Variants in ZFHX3 observed in about 807,000 individuals in gnomAD.
The protein encoded by ZFHX3 is zinc finger homeobox 3.
A neutral mutation model predicts 279.1 loss-of-function variants in ZFHX3; 42 were observed. The ratio of observed to expected loss-of-function variants is 0.15; its 90% CI spans 0.12 to 0.19. ZFHX3 has a LOEUF of 0.19. Among genes scored for constraint, ZFHX3 ranks in the 10% least tolerant of loss-of-function variants. The pLI is 1.00. For missense variants in ZFHX3, 4,981 were observed against 4,754.0 expected, an observed-to-expected ratio of 1.05 and a Z score of -1.40; for synonymous variants, 2,293 against 1,957.8, an observed-to-expected ratio of 1.17 and a Z score of -4.52.
intron 5 of ZFHX3, among the ~76,000 whole-genome samples, chr16:73,181,852 C>G (rs751694393): frequency 1.8e-4 from 27 of 152,136 alleles, no homozygotes; most frequent in Non-Finnish European, 3.2e-4. Flanking sequence ...CTGAAAGCAG[C>G]TGATGTTCTA....
At chr16:73,057,716 C>T (rs893075606) in intron 1 of ZFHX3, among the ~76,000 whole-genome samples, 6 of 151,594 alleles carry the variant, frequency 4.0e-5, no homozygotes, top group African/African-American at 1.4e-4. Flanking sequence ...TCTGGGCGCT[C>T]GCGGCGCTGC....
intron 5 of ZFHX3, among the ~76,000 whole-genome samples, chr16:73,228,600 C>T (rs180941375): frequency 1.3e-5 from 2 of 152,280 alleles, no homozygotes; most frequent in East Asian, 1.9e-4. Flanking sequence ...GAGGTCAAGG[C>T]TGCAGTTGGT....
At chr16:73,095,406 G>A (rs554067090) in intron 7 of ZFHX3, among the ~76,000 whole-genome samples, 1 of 152,208 alleles carries the variant, frequency 6.6e-6, no homozygotes, top group African/African-American at 2.4e-5. Flanking sequence ...GGCTAATTAA[G>A]CAGACTGAGC....
chr16:72,947,183 T>G (rs1180540721), intron 3 of ZFHX3, among the ~76,000 whole-genome samples: 1 of 152,184 alleles, frequency 6.6e-6, no homozygotes, highest in Non-Finnish European at 1.5e-5. Flanking sequence ...TAAGGGGGCT[T>G]CCCCCGGATG....
intron 5 of ZFHX3, among the ~76,000 whole-genome samples, chr16:73,242,010 T>A (rs1308716507): frequency 2.0e-5 from 3 of 152,096 alleles, no homozygotes; most frequent in African/African-American, 7.2e-5. Flanking sequence ...TTAAATGAGA[T>A]AACAATGTCA....
At chr16:72,970,807 G>A (rs1265466814) in intron 1 of ZFHX3, among the ~76,000 whole-genome samples, 2 of 152,134 alleles carry the variant, frequency 1.3e-5, no homozygotes, top group Admixed American at 6.5e-5. Context: ...TTGCTATTGG[G>A]ATTATAGGGC....
At chr16:73,292,066 T>C (rs1300469800) in intron 4 of ZFHX3, among the ~76,000 whole-genome samples, 2 of 152,218 alleles carry the variant, frequency 1.3e-5, no homozygotes, top group Admixed American at 6.5e-5. Flanking sequence ...TGTAAGACCA[T>C]GTTCAAGTTC....
At chr16:73,665,006 C>G (rs776704589) in intron 2 of ZFHX3, among the ~76,000 whole-genome samples, 9 of 152,128 alleles carry the variant, frequency 5.9e-5, no homozygotes, top group Non-Finnish European at 1.3e-4. Flanking sequence ...ATTTATTTAA[C>G]AAATATTGTG....
intron 1 of ZFHX3, among the ~76,000 whole-genome samples, chr16:72,972,943 G>C (rs919118359): frequency 5.3e-5 from 8 of 152,126 alleles, no homozygotes; most frequent in Non-Finnish European, 1.2e-4. Flanking sequence ...CTGTTCTCCT[G>C]TAGGTATTTA....
chr16:73,501,260 T>C (rs1285130211), intron 2 of ZFHX3, among the ~76,000 whole-genome samples: 1 of 152,238 alleles, frequency 6.6e-6, no homozygotes, highest in African/African-American at 2.4e-5. Flanking sequence ...CTCTACGATC[T>C]TCACACAATG....
intron 4 of ZFHX3, among the ~76,000 whole-genome samples, chr16:73,304,340 C>T (rs1194257379): frequency 6.6e-6 from 1 of 152,144 alleles, no homozygotes; most frequent in Admixed American, 6.6e-5. Context: ...ATAGTGAGGT[C>T]AAACTGGCTG....
chr16:73,576,178 T>C (rs777513882), intron 2 of ZFHX3, among the ~76,000 whole-genome samples: 1 of 152,162 alleles, frequency 6.6e-6, no homozygotes, highest in Non-Finnish European at 1.5e-5. Flanking sequence ...ACAATCCCCA[T>C]TTAAGCAGTG....
chr16:73,726,381 G>A (rs754260993), intron 1 of ZFHX3, among the ~76,000 whole-genome samples: 9 of 152,212 alleles, frequency 5.9e-5, no homozygotes, highest in Non-Finnish European at 8.8e-5. Context: ...GGATGGACTA[G>A]AAGGAGGTTT....
chr16:73,693,082 A>G (rs920283849), intron 1 of ZFHX3, among the ~76,000 whole-genome samples: 5 of 152,198 alleles, frequency 3.3e-5, no homozygotes, highest in Admixed American at 2.6e-4. Context: ...CAGGTCTCTA[A>G]AAGTAAAGTT....
rs16971436 is a variant in ZFHX3, at chr16:72,958,864, T to C, written c.1282A>G (p.Thr428Ala). The C allele has an allele frequency of 9.3e-6, 15 of 1,613,358 alleles. No individual in the cohort carries two copies. In the African/African-American group the frequency reaches 9.3e-5, roughly 10 times the overall value. Reference sequence around the variant, plus strand: ...GAGTCCTTGCCCTCTGAGGATTTGGTAGGACTGGAAGCCAGAGGCCCCAGG... The same window carrying C: ...GAGTCCTTGCCCTCTGAGGATTTGGCAGGACTGGAAGCCAGAGGCCCCAGG... ...VPLGPLASSP[T>A]KSSEGKDSGA... is the part of the protein sequence containing the mutation. Residue 428 changes from threonine (T) to alanine (A), a missense_variant, in exon 2 of 10, where the codon ACC becomes GCC. Physicochemically the swap from Thr to Ala is moderately conservative, Grantham distance 58 (BLOSUM62 0). Around this residue, in one of 7 missense-constraint regions of ZFHX3, gnomAD observed 1,068 missense variants for 935.2 expected, o/e 1.14. Transcript: ENST00000268489.
chr16:73,312,679 A>C (rs760966137), intron 4 of ZFHX3, among the ~76,000 whole-genome samples: 5 of 152,332 alleles, frequency 3.3e-5, no homozygotes, highest in South Asian at 2.1e-4. Context: ...CTTGTTCCTC[A>C]TAGCCACCTT....
At chr16:73,061,205 T>G (rs949282486), upstream of ZFHX3, 2 of 152,174 alleles carry the variant, frequency 1.3e-5, no homozygotes, top group Admixed American at 6.5e-5. Flanking sequence ...CTTTGTCATT[T>G]TCTAAAAATA....
At chr16:73,785,132 A>C (rs757629677) in intron 1 of ZFHX3, among the ~76,000 whole-genome samples, 7 of 152,210 alleles carry the variant, frequency 4.6e-5, no homozygotes, top group Non-Finnish European at 8.8e-5. Flanking sequence ...CATTCTCATT[A>C]TATAGTTATG....
chr16:72,928,000 C>T (rs1959552894), intron 3 of ZFHX3, among the ~76,000 whole-genome samples: 2 of 148,470 alleles, frequency 1.3e-5, no homozygotes, highest in East Asian at 2.0e-4. Flanking sequence ...AGCTGGGATG[C>T]GCCAGAGGCC....
Sources: allele counts gnomAD v4.1 joint callset (sites outside exome capture counted in the v4.1 genomes callset), GRCh38; gene constraint gnomAD v4.1.1; regional missense constraint gnomAD v4.1.1; transcripts MANE v1.5; gene names NCBI Gene and HGNC (gene_info 2026-07-23, HGNC 2026-07-21).